The following NOC3L variants were observed in gnomAD, a reference collection of about 807,000 sequenced individuals.
NOC3L encodes the protein nucleolar complex protein 3 homolog.
In NOC3L, 85 loss-of-function variants were observed where a neutral mutation model predicts 102.5. The observed-to-expected ratio is 0.83, with a 90% confidence interval of 0.70 to 0.99. The LOEUF (loss-of-function observed/expected upper bound fraction) is 0.99, where lower values mean the gene tolerates loss of function less well. NOC3L is among the 50% of genes least tolerant of loss of function. NOC3L has a pLI of 0.00. For missense variants in NOC3L, 878 were observed against 914.9 expected (o/e 0.96, Z 0.52); for synonymous variants, 303 against 309.4 (o/e 0.98, Z 0.22).
At chr10:94,339,664 GA>G (rs1027701361) in intron 17 of NOC3L, 74 bp downstream of exon 17, 28 of 1,149,364 alleles carry the variant, frequency 2.4e-5, no homozygotes, top group Non-Finnish European at 3.1e-5. Context: ...TAAAAGGGGG[GA>G]AAAGACATGC....
downstream of NOC3L, chr10:94,330,622 G>A (rs760780659): frequency 4.0e-5 from 6 of 151,366 alleles, no homozygotes; most frequent in South Asian, 2.1e-4. Flanking sequence ...AACTCAAGAC[G>A]CAGAGGTTGC....
In NOC3L at chr10:94,347,775, A is replaced by T. The variant is rs566001293; in HGVS notation, c.1258-1219T>A. ...AAAGAAGTCTTAAATAAATGGCAAG[A>T]TATGATATTCTTGAATAGAAAAAAA... On this transcript the variant is annotated intron_variant, in intron 10 of 20. Coordinates refer to ENST00000371361, the MANE Select transcript of NOC3L (RefSeq NM_022451.11). Among the ~76,000 whole-genome samples the T allele has an allele frequency of 3.3e-4, 50 of 152,156 alleles. No individual in the cohort carries two copies. In the South Asian group the frequency reaches 8.7e-3, roughly 26 times the overall value.
the NOC3L span, among the ~76,000 whole-genome samples, chr10:94,326,295 T>C: frequency 1.4e-4 from 21 of 152,188 alleles, no homozygotes; most frequent in African/African-American, 3.6e-4. Flanking sequence ...AAGAACTCAG[T>C]GATGCCTCTT....
At chr10:94,317,795 A>T in the NOC3L span, among the ~76,000 whole-genome samples, 1 of 152,280 alleles carries the variant, frequency 6.6e-6, no homozygotes, top group South Asian at 2.1e-4. Context: ...ATATAAGGTC[A>T]TTTCTCTAGC....
At chr10:94,326,034 A>G in the NOC3L span, among the ~76,000 whole-genome samples, 2 of 152,206 alleles carry the variant, frequency 1.3e-5, no homozygotes, top group Admixed American at 1.3e-4. Flanking sequence ...AATTATTTAC[A>G]TGAGACCTGA....
chr10:94,354,867 T>C lies in NOC3L; in HGVS notation c.696+96A>G, dbSNP rs770754117. 1.4e-5 allele frequency: 17 copies of C among 1,238,720 alleles called. No individual in the cohort carries two copies. The Admixed American group carries it at 2.6e-4, about 19-fold the overall frequency. The allele number at this position is 1,238,720 out of a possible 1,614,324, so 76.7% of individuals were successfully genotyped here. ...TACTATGTTTAGTTAATGCTTTTCC[T>C]TTTAGTGTATGCTTATAGGTAACAA... On this transcript the variant is annotated intron_variant, in intron 6 of 20. Coordinates refer to ENST00000371361, the MANE Select transcript of NOC3L (RefSeq NM_022451.11).
At chr10:94,341,563 C>A (rs984714516) in intron 14 of NOC3L, 110 bp downstream of exon 14, 11 of 471,814 alleles carry the variant, frequency 2.3e-5, no homozygotes, top group Admixed American at 2.1e-4. Flanking sequence ...ATAAACTGTA[C>A]ATCTAAAAGG....
chr10:94,343,620 C>T (rs917923198), intron 13 of NOC3L, among the ~76,000 whole-genome samples: 1 of 152,156 alleles, frequency 6.6e-6, no homozygotes, highest in African/African-American at 2.4e-5. Flanking sequence ...TACTGCCCAA[C>T]AATGGTAGCC....
intron 7 of NOC3L, 25 bp from the exon 8 acceptor site, chr10:94,352,428 AT>A (rs1314379741): frequency 1.3e-6 from 2 of 1,500,762 alleles, no homozygotes; most frequent in South Asian, 1.2e-5. Flanking sequence ...AAGGTCAATC[AT>A]TTTTTAAAAT....
At chr10:94,326,368 C>G in the NOC3L span, among the ~76,000 whole-genome samples, 1 of 152,164 alleles carries the variant, frequency 6.6e-6, no homozygotes, top group African/African-American at 2.4e-5. Context: ...GATCATGTTT[C>G]CACATTTAAA....
the NOC3L span, among the ~76,000 whole-genome samples, chr10:94,325,892 A>G: frequency 6.6e-6 from 1 of 152,206 alleles, no homozygotes; most frequent in Admixed American, 6.5e-5. Flanking sequence ...CTTCTGCCTC[A>G]ATTAAAAAAA....
In NOC3L at chr10:94,362,868, C is replaced by G. The variant is rs1409802178; in HGVS notation, c.-30G>C. 6.2e-7 allele frequency: 1 copy of G among 1,614,010 alleles called. No individual in the cohort carries two copies. Among genetic ancestry groups the G allele is most frequent in the Admixed American group, 1.7e-5 (1 of 60,032 alleles). On this transcript the variant is annotated 5_prime_UTR_variant, in exon 1 of 21. Coordinates refer to ENST00000371361, the MANE Select transcript of NOC3L (RefSeq NM_022451.11). ...AGGCCTTAAATGAATGCCGGCCAGA[C>G]AAGTTCACCAGAAGCAGGGTTACTA...
At chr10:94,332,938 T>C (rs1420712630), downstream of NOC3L, 1 of 152,226 alleles carries the variant, frequency 6.6e-6, no homozygotes, top group Non-Finnish European at 1.5e-5. Context: ...AATATTCATA[T>C]GCTGAATCAT....
intron 18 of NOC3L, 62 bp from the exon 19 acceptor site, chr10:94,337,936 C>T: frequency 1.6e-6 from 2 of 1,216,764 alleles, no homozygotes; most frequent in Non-Finnish European, 2.4e-6. Flanking sequence ...AAACACTAGC[C>T]ACAGCAAAGA....
intron 5 of NOC3L, 24 bp from the exon 6 acceptor site, chr10:94,355,117 T>C: frequency 1.3e-6 from 2 of 1,589,798 alleles, no homozygotes; most frequent in Non-Finnish European, 1.7e-6. Context: ...GATGTTCCCT[T>C]ACATATTCCT....
At chr10:94,323,352 A>G in the NOC3L span, among the ~76,000 whole-genome samples, 1 of 152,236 alleles carries the variant, frequency 6.6e-6, no homozygotes, top group Admixed American at 6.5e-5. Context: ...GTTAGATTCA[A>G]ATCCCAGCTC....
intron 4 of NOC3L, 89 bp downstream of exon 4, chr10:94,357,085 A>G: frequency 1.9e-6 from 2 of 1,026,474 alleles, no homozygotes; most frequent in Admixed American, 2.8e-5. Flanking sequence ...GGGTAAAATC[A>G]AAGTAAAATT....
intron 3 of NOC3L, chr10:94,357,752 G>C: frequency 3.5e-6 from 1 of 284,682 alleles, no homozygotes; most frequent in Non-Finnish European, 6.5e-6. Flanking sequence ...CTGGAAATGG[G>C]AATAAGACCT....
intron 2 of NOC3L, chr10:94,361,313 T>C (rs2054548864): frequency 4.2e-6 from 1 of 239,174 alleles, no homozygotes; most frequent in Non-Finnish European, 8.1e-6. Flanking sequence ...CAAGCAATGT[T>C]CTTACCTTAC....
Sources: allele counts gnomAD v4.1 joint callset (sites outside exome capture counted in the v4.1 genomes callset), GRCh38; gene constraint gnomAD v4.1.1; transcripts MANE v1.5; gene names NCBI Gene and HGNC (gene_info 2026-07-23, HGNC 2026-07-21).